The following SPOP variants were observed in gnomAD, a reference collection of about 807,000 sequenced individuals.
SPOP encodes the protein speckle-type POZ protein.
SPOP carries 11 observed loss-of-function variants against 45.6 expected under a neutral mutation model. The observed-to-expected ratio is 0.24, with a 90% CI of 0.15 to 0.40. The LOEUF (loss-of-function observed/expected upper bound fraction) is 0.40. SPOP is among the 10% of genes least tolerant of loss of function. The pLI is 1.00. For missense variants in SPOP, 152 were observed against 465.6 expected, an observed-to-expected ratio of 0.33 and a Z score of 6.20; for synonymous variants, 166 against 166.3, an observed-to-expected ratio of 1.00 and a Z score of 0.01.
chr17:49,641,452 C>A (rs960301072), intron 1 of SPOP, among the ~76,000 whole-genome samples: 6 of 151,472 alleles, frequency 4.0e-5, no homozygotes, highest in Non-Finnish European at 5.9e-5. Context: ...TGCTGCTGCA[C>A]CCAGACAGTG....
At chr17:49,626,183 C>G (rs1175841963) in intron 1 of SPOP, among the ~76,000 whole-genome samples, 1 of 150,496 alleles carries the variant, frequency 6.6e-6, no homozygotes, top group Non-Finnish European at 1.5e-5. Flanking sequence ...AATCCTGAGA[C>G]AAGTTTGTGA....
intron 5 of SPOP, 134 bp from the exon 6 acceptor site, chr17:49,611,591 C>A: frequency 1.3e-6 from 1 of 792,962 alleles, no homozygotes; most frequent in Non-Finnish European, 2.0e-6. Context: ...AAACCACCTC[C>A]ACAAATCAAG....
At chr17:49,607,800 T>C (rs977991000) in intron 7 of SPOP, 74 bp downstream of exon 7, 1 of 1,390,274 alleles carries the variant, frequency 7.2e-7, no homozygotes, top group Non-Finnish European at 1.0e-6. Flanking sequence ...GGAAAATGAA[T>C]CTGCAGCTAA....
chr17:49,628,373 G>A (rs764101705), intron 1 of SPOP, among the ~76,000 whole-genome samples: 14 of 152,238 alleles, frequency 9.2e-5, no homozygotes, highest in African/African-American at 2.9e-4. Flanking sequence ...AATTTCCAAC[G>A]AAGGTAGTAT....
chr17:49,628,380 G>A (rs867329371), intron 1 of SPOP, among the ~76,000 whole-genome samples: 2 of 152,194 alleles, frequency 1.3e-5, no homozygotes, highest in Non-Finnish European at 2.9e-5. Context: ...AACGAAGGTA[G>A]TATCAGCTAG....
intron 1 of SPOP, among the ~76,000 whole-genome samples, chr17:49,651,302 A>C (rs752636244): frequency 1.3e-5 from 2 of 152,158 alleles, no homozygotes; most frequent in Non-Finnish European, 2.9e-5. Context: ...AAAACCAGAA[A>C]ACACACACAA....
intron 1 of SPOP, among the ~76,000 whole-genome samples, chr17:49,629,626 A>C (rs1273695114): frequency 6.6e-6 from 1 of 152,232 alleles, no homozygotes; most frequent in African/African-American, 2.4e-5. Context: ...CCTGTACAAT[A>C]AAGGAAAATG....
At chr17:49,624,324 C>A (rs896841597) in intron 1 of SPOP, among the ~76,000 whole-genome samples, 2 of 93,082 alleles carry the variant, frequency 2.1e-5, no homozygotes, top group African/African-American at 4.2e-5. Context: ...CACACACGCG[C>A]GCGCGCGCAC....
intron 8 of SPOP, 125 bp from the exon 9 acceptor site, chr17:49,602,132 G>T: frequency 9.5e-7 from 1 of 1,052,738 alleles, no homozygotes; most frequent in Non-Finnish European, 1.3e-6. Context: ...CACAGACCAT[G>T]AAAAGCTACT....
At chr17:49,644,207 T>C (rs2072711925) in intron 1 of SPOP, among the ~76,000 whole-genome samples, 1 of 151,864 alleles carries the variant, frequency 6.6e-6, no homozygotes, top group African/African-American at 2.4e-5. Flanking sequence ...CTCTAAAAAA[T>C]TAACTAAATT....
chr17:49,610,553 G>A (rs2071950468), intron 6 of SPOP, among the ~76,000 whole-genome samples: 1 of 152,210 alleles, frequency 6.6e-6, no homozygotes, highest in African/African-American at 2.4e-5. Flanking sequence ...AGCCAGTTGT[G>A]AGAGGGAACA....
In SPOP at chr17:49,604,694, G is replaced by A. The variant is rs144084779; in HGVS notation, c.837+2556C>T. Among the ~76,000 whole-genome samples, 55 of 152,140 alleles carry A rather than the reference G, an allele frequency of 3.6e-4. No homozygotes were observed. In the East Asian group the frequency reaches 8.5e-3, roughly 23 times the overall value. The stretch of plus-strand genomic sequence containing the variant: ...ATCCTCACGCCAACTCTACTTGTCC[G>A]CCAACACAGGAAAAGCTCCCACAGG... On this transcript the variant is annotated intron_variant, in intron 8 of 9. Transcript: ENST00000504102.
chr17:49,657,218 GA>G (rs888578381), intron 1 of SPOP, among the ~76,000 whole-genome samples: 1 of 151,346 alleles, frequency 6.6e-6, no homozygotes, highest in African/African-American at 2.4e-5. Context: ...GAATAAAGTT[GA>G]TTTTTTTACC....
chr17:49,617,108 T>C (rs1329825212), intron 5 of SPOP, among the ~76,000 whole-genome samples: 1 of 152,134 alleles, frequency 6.6e-6, no homozygotes, highest in Non-Finnish European at 1.5e-5. Flanking sequence ...GGGGGAAGCA[T>C]ATGAGAAAAG....
At chr17:49,624,570 G>A (rs1246323897) in intron 1 of SPOP, among the ~76,000 whole-genome samples, 1 of 152,080 alleles carries the variant, frequency 6.6e-6, no homozygotes, top group Non-Finnish European at 1.5e-5. Flanking sequence ...CCAGGCTCAA[G>A]CAATCCTCCT....
At chr17:49,611,928 G>A (rs1466747288) in intron 5 of SPOP, among the ~76,000 whole-genome samples, 1 of 151,194 alleles carries the variant, frequency 6.6e-6, no homozygotes, top group Non-Finnish European at 1.5e-5. Flanking sequence ...TGTCACCCAG[G>A]ATGGAGTCCA....
intron 1 of SPOP, among the ~76,000 whole-genome samples, chr17:49,625,384 G>A (rs1273815951): frequency 2.0e-5 from 3 of 152,172 alleles, no homozygotes; most frequent in Admixed American, 2.0e-4. Context: ...TGAGGTGGGA[G>A]GATTACCTGG....
intron 1 of SPOP, among the ~76,000 whole-genome samples, chr17:49,655,215 T>C (rs2072891433): frequency 6.6e-6 from 1 of 152,038 alleles, no homozygotes; most frequent in Non-Finnish European, 1.5e-5. Context: ...AAACAGGTAT[T>C]AAAAAAGAAA....
chr17:49,670,960 T>C (rs1211718325), intron 1 of SPOP, among the ~76,000 whole-genome samples: 1 of 152,182 alleles, frequency 6.6e-6, no homozygotes, highest in East Asian at 1.9e-4. Flanking sequence ...GCACAGATGT[T>C]TTTATATAAT....
Sources: allele counts gnomAD v4.1 joint callset (sites outside exome capture counted in the v4.1 genomes callset), GRCh38; gene constraint gnomAD v4.1.1; transcripts MANE v1.5; gene names NCBI Gene and HGNC (gene_info 2026-07-23, HGNC 2026-07-21).